Variants in OLFM3 observed in about 807,000 individuals in gnomAD.
The protein encoded by OLFM3 is noelin-3.
Under a neutral mutation model 48.6 loss-of-function variants are expected in OLFM3, and 20 were observed. The ratio of observed to expected loss-of-function variants is 0.41; its 90% CI spans 0.29 to 0.60. The LOEUF is 0.60. Ranked by LOEUF, OLFM3 falls within the 20% of genes least tolerant of loss-of-function variation. The pLI, the probability that OLFM3 is intolerant of heterozygous loss-of-function variation, is 0.28. For missense variants in OLFM3, 437 were observed against 544.3 expected, an observed-to-expected ratio of 0.80 and a Z score of 1.96; for synonymous variants, 222 against 198.1, an observed-to-expected ratio of 1.12 and a Z score of -1.01.
At chr1:101,870,943 T>C (rs1657055968) in intron 1 of OLFM3, among the ~76,000 whole-genome samples, 1 of 151,656 alleles carries the variant, frequency 6.6e-6, no homozygotes, top group African/African-American at 2.4e-5. Flanking sequence ...TTATAACTCT[T>C]TTTTTAAAAA....
intron 4 of OLFM3, among the ~76,000 whole-genome samples, chr1:101,817,376 A>G (rs533761748): frequency 6.6e-6 from 1 of 152,308 alleles, no homozygotes; most frequent in East Asian, 1.9e-4. Context: ...TGCACATTGC[A>G]TATATTCAGA....
intron 1 of OLFM3, among the ~76,000 whole-genome samples, chr1:101,860,843 A>G (rs1177249631): frequency 1.3e-5 from 2 of 152,152 alleles, no homozygotes; most frequent in South Asian, 4.1e-4. Context: ...TGGAAAACAC[A>G]TACTTTTGAT....
At chr1:101,953,600 T>A (rs1278915020) in intron 1 of OLFM3, among the ~76,000 whole-genome samples, 1 of 152,180 alleles carries the variant, frequency 6.6e-6, no homozygotes, top group South Asian at 2.1e-4. Flanking sequence ...GAAAACAGAC[T>A]TTTTGGTTTA....
At chr1:101,909,393 G>A (rs1658669809) in intron 1 of OLFM3, among the ~76,000 whole-genome samples, 1 of 152,178 alleles carries the variant, frequency 6.6e-6, no homozygotes, top group Non-Finnish European at 1.5e-5. Context: ...AAGTATTTGG[G>A]CAGGCTTATA....
intron 5 of OLFM3, among the ~76,000 whole-genome samples, chr1:101,805,481 T>C (rs1358497511): frequency 6.6e-6 from 1 of 151,780 alleles, no homozygotes; most frequent in Admixed American, 6.6e-5. Flanking sequence ...AGAATCTTAA[T>C]TTTTACTGAG....
intron 1 of OLFM3, among the ~76,000 whole-genome samples, chr1:101,903,776 T>A (rs910411754): frequency 6.6e-6 from 1 of 152,054 alleles, no homozygotes; most frequent in Non-Finnish European, 1.5e-5. Context: ...AAATTTGGTA[T>A]CTGAAAAACT....
At chr1:101,872,634 A>G (rs1022228143) in intron 1 of OLFM3, among the ~76,000 whole-genome samples, 13 of 151,992 alleles carry the variant, frequency 8.6e-5, no homozygotes, top group Non-Finnish European at 1.6e-4. Context: ...ATTTCCTCAG[A>G]AGTTAGACTT....
At chr1:101,842,927 C>T (rs1429184570) in intron 1 of OLFM3, among the ~76,000 whole-genome samples, 1 of 152,160 alleles carries the variant, frequency 6.6e-6, no homozygotes, top group Admixed American at 6.5e-5. Context: ...CCATTCTGTT[C>T]TCTCACCTGG....
At chr1:101,816,718 G>A (rs1034272368) in intron 4 of OLFM3, among the ~76,000 whole-genome samples, 2 of 152,058 alleles carry the variant, frequency 1.3e-5, no homozygotes, top group Non-Finnish European at 2.9e-5. Context: ...TTAACTAAGG[G>A]AACATTGAAT....
At chr1:101,846,239 A>G (rs1026399020) in intron 1 of OLFM3, among the ~76,000 whole-genome samples, 3 of 152,212 alleles carry the variant, frequency 2.0e-5, no homozygotes, top group Non-Finnish European at 4.4e-5. Context: ...GTCTTCATAA[A>G]ATATTAAAAA....
intron 4 of OLFM3, among the ~76,000 whole-genome samples, chr1:101,819,601 G>A (rs1654508224): frequency 1.3e-5 from 2 of 152,098 alleles, no homozygotes; most frequent in Admixed American, 6.6e-5. Flanking sequence ...GCATGGCGGT[G>A]TGAAGTTCAG....
chr1:101,861,161 A>G (rs1300114083), intron 1 of OLFM3, among the ~76,000 whole-genome samples: 1 of 151,958 alleles, frequency 6.6e-6, no homozygotes, highest in Non-Finnish European at 1.5e-5. Flanking sequence ...TCCCGGGTTC[A>G]AGCGATTCTC....
intron 1 of OLFM3, among the ~76,000 whole-genome samples, chr1:101,952,085 G>A (rs1465967982): frequency 1.3e-5 from 2 of 151,994 alleles, no homozygotes; most frequent in Non-Finnish European, 2.9e-5. Flanking sequence ...TTGATCAAAA[G>A]TCACTATTTA....
At chr1:101,866,204 A>C (rs193105331) in intron 1 of OLFM3, among the ~76,000 whole-genome samples, 1 of 152,302 alleles carries the variant, frequency 6.6e-6, no homozygotes, top group African/African-American at 2.4e-5. Context: ...AAATATAATT[A>C]TTTGTACATT....
intron 3 of OLFM3, among the ~76,000 whole-genome samples, chr1:101,826,044 C>T (rs1053047189): frequency 6.6e-6 from 1 of 151,972 alleles, no homozygotes; most frequent in Non-Finnish European, 1.5e-5. Flanking sequence ...CGAATTAACT[C>T]TTTAAGAAAC....
chr1:101,949,724 A>T (rs190896886), intron 1 of OLFM3, among the ~76,000 whole-genome samples: 1 of 151,966 alleles, frequency 6.6e-6, no homozygotes, highest in African/African-American at 2.4e-5. Flanking sequence ...AGGTCAGGAG[A>T]TCAAGACCAT....
chr1:101,937,640 A>G (rs976450619), intron 1 of OLFM3, among the ~76,000 whole-genome samples: 18 of 151,976 alleles, frequency 1.2e-4, no homozygotes, highest in Admixed American at 5.2e-4. Flanking sequence ...TTTTGAGGCC[A>G]CCCCAGCCAC....
chr1:101,839,608 A>G (rs919346845), intron 1 of OLFM3, among the ~76,000 whole-genome samples: 1 of 152,222 alleles, frequency 6.6e-6, no homozygotes, highest in Non-Finnish European at 1.5e-5. Flanking sequence ...AAATATTTTA[A>G]CAGCAGTCCA....
intron 1 of OLFM3, among the ~76,000 whole-genome samples, chr1:101,948,319 G>A (rs901709315): frequency 6.6e-6 from 1 of 151,982 alleles, no homozygotes; most frequent in East Asian, 1.9e-4. Context: ...TAATGAATGA[G>A]CAAATTTTCA....
Sources: gnomAD v4.1 joint callset for allele counts (sites outside exome capture counted in the v4.1 genomes callset) on GRCh38, gnomAD v4.1.1 for gene constraint, MANE v1.5 for transcripts, NCBI Gene and HGNC (gene_info 2026-07-23, HGNC 2026-07-21) for gene names.